The following CCDC85A variants were observed in gnomAD, a reference collection of about 807,000 sequenced individuals.
CCDC85A encodes the protein coiled-coil domain-containing protein 85A.
Under a neutral mutation model 50.2 loss-of-function variants are expected in CCDC85A, and 38 were observed. The ratio of observed to expected loss-of-function variants is 0.76; its 90% CI spans 0.58 to 0.99. The LOEUF (loss-of-function observed/expected upper bound fraction) is 0.99. Among genes scored for constraint, CCDC85A ranks in the 50% least tolerant of loss-of-function variants. The pLI is 0.00. For synonymous variants in CCDC85A, 366 were observed against 301.4 expected, an observed-to-expected ratio of 1.21 and a Z score of -2.22; for missense variants, 820 against 742.0, an observed-to-expected ratio of 1.11 and a Z score of -1.22.
intron 3 of CCDC85A, among the ~76,000 whole-genome samples, chr2:56,354,794 T>G (rs1385018955): frequency 6.6e-6 from 1 of 152,230 alleles, no homozygotes; most frequent in Non-Finnish European, 1.5e-5. Flanking sequence ...AATGGCTTGG[T>G]AAGTCTTACT....
chr2:56,373,312 C>G (rs1558664681), intron 4 of CCDC85A, among the ~76,000 whole-genome samples: 1 of 151,784 alleles, frequency 6.6e-6, no homozygotes, highest in African/African-American at 2.4e-5. Context: ...GAATTTCCCC[C>G]CACTGTATAC....
intron 2 of CCDC85A, among the ~76,000 whole-genome samples, chr2:56,194,370 C>CA (rs1262439143): frequency 6.6e-6 from 1 of 152,054 alleles, no homozygotes; most frequent in African/African-American, 2.4e-5. Flanking sequence ...GAATAAAAAA[C>CA]AAAAAAACTC....
rs1472125131 is a variant in CCDC85A, at chr2:56,184,709, C to G, written c.85C>G (p.Pro29Ala). 1 of 1,528,930 alleles carries G rather than the reference C, an allele frequency of 6.5e-7. No individual in the cohort carries two copies. The highest frequency in any genetic ancestry group is 8.8e-7 in the Non-Finnish European group (1 of 1,141,462). The allele number at this position is 1,528,930 out of a possible 1,614,324, so 94.7% of individuals were successfully genotyped here. Residue 29 changes from proline (P) to alanine (A), a missense_variant, in exon 1 of 6, where the codon CCG (proline) becomes GCG (alanine). Coordinates refer to ENST00000407595, the MANE Select transcript of CCDC85A (RefSeq NM_001080433.2). Reference sequence around the variant, plus strand: ...AGCCCCGGCCGGCTCGTCCGCGGCCCCGCCCGCGCCGGTGGAGGACCTGTC... The same window carrying G: ...AGCCCCGGCCGGCTCGTCCGCGGCCGCGCCCGCGCCGGTGGAGGACCTGTC... ...SPAPAGSSAA[P>A]PAPVEDLSKV...
intron 2 of CCDC85A, among the ~76,000 whole-genome samples, chr2:56,226,442 A>G (rs1443802644): frequency 2.0e-5 from 3 of 152,180 alleles, no homozygotes; most frequent in African/African-American, 4.8e-5. Context: ...GAAAGCACTT[A>G]CCACAATGTC....
chr2:56,324,622 A>G (rs1008541650), intron 2 of CCDC85A, among the ~76,000 whole-genome samples: 1 of 152,100 alleles, frequency 6.6e-6, no homozygotes, highest in Admixed American at 6.6e-5. Flanking sequence ...AAATAATTTT[A>G]ATGTGTTCTA....
intron 2 of CCDC85A, among the ~76,000 whole-genome samples, chr2:56,302,255 T>G (rs1672244504): frequency 6.6e-6 from 1 of 151,960 alleles, no homozygotes; most frequent in South Asian, 2.1e-4. Context: ...GACTCCATCT[T>G]CAAAAAATAA....
chr2:56,350,313 A>G (rs1319534643), intron 3 of CCDC85A, among the ~76,000 whole-genome samples: 2 of 151,926 alleles, frequency 1.3e-5, no homozygotes, highest in African/African-American at 4.8e-5. Context: ...GCTCACGCCT[A>G]TAATCCCAGC....
intron 2 of CCDC85A, among the ~76,000 whole-genome samples, chr2:56,337,291 A>G (rs763870009): frequency 2.8e-4 from 42 of 152,224 alleles, no homozygotes; most frequent in Non-Finnish European, 5.9e-4. Context: ...TGAGGATGTC[A>G]TTGGATTTTC....
intron 2 of CCDC85A, among the ~76,000 whole-genome samples, chr2:56,310,051 G>C (rs946864526): frequency 1.3e-5 from 2 of 152,150 alleles, no homozygotes; most frequent in African/African-American, 2.4e-5. Context: ...CATATGAGAT[G>C]TGAGGAACTA....
intron 2 of CCDC85A, among the ~76,000 whole-genome samples, chr2:56,315,056 T>G (rs1378581291): frequency 6.6e-6 from 1 of 152,160 alleles, no homozygotes; most frequent in Non-Finnish European, 1.5e-5. Flanking sequence ...CCCCCTTTGC[T>G]TCATCTGTCA....
Position 56,380,629 on chromosome 2 carries a change from A to T in CCDC85A, c.1573-3637A>T, listed in dbSNP as rs1190928988. 2.0e-5 allele frequency among the ~76,000 whole-genome samples: 3 copies of T among 151,672 alleles called. No individual in the cohort carries two copies. In the South Asian group the frequency reaches 6.2e-4, roughly 31 times the overall value. On this transcript the variant is annotated intron_variant, in intron 5 of 5. Coordinates refer to ENST00000407595, the MANE Select transcript of CCDC85A (RefSeq NM_001080433.2). ...TCATGAAGTCAGAGACCACAGTAAA[A>T]AAATAAATAAATAAATAAATAAAGA...
intron 2 of CCDC85A, among the ~76,000 whole-genome samples, chr2:56,306,120 C>T (rs1440786308): frequency 6.6e-6 from 1 of 152,004 alleles, no homozygotes; most frequent in Non-Finnish European, 1.5e-5. Flanking sequence ...TTTTGCGAAA[C>T]TTCCAGTGTA....
intron 2 of CCDC85A, among the ~76,000 whole-genome samples, chr2:56,237,103 T>C (rs1404378877): frequency 3.3e-5 from 5 of 152,314 alleles, no homozygotes; most frequent in East Asian, 1.9e-4. Flanking sequence ...ATTTTTCTTA[T>C]GTTGGGATTC....
chr2:56,372,481 G>A lies in CCDC85A; in HGVS notation c.1452+3G>A, dbSNP rs756165819. 3 of 1,586,452 alleles carry A rather than the reference G, an allele frequency of 1.9e-6. No homozygotes were observed. The African/African-American group carries it at 4.1e-5, about 21-fold the overall frequency. On this transcript the variant is annotated splice_donor_region_variant and intron_variant, in intron 4 of 5. Coordinates refer to ENST00000407595, the MANE Select transcript of CCDC85A (RefSeq NM_001080433.2). ...GACGATGCCTGCCTACTCTCCCGGT[G>A]AGTGAAGATGAGTCAGCTGGATGCA...
intron 2 of CCDC85A, among the ~76,000 whole-genome samples, chr2:56,203,142 G>A (rs182087229): frequency 4.3e-4 from 65 of 152,310 alleles, no homozygotes; most frequent in Non-Finnish European, 6.6e-4. Context: ...AATTGCTCTG[G>A]TTATGGAGTC....
Position 56,228,294 on chromosome 2 carries a change from C to T in CCDC85A, c.1240+34854C>T, listed in dbSNP as rs375383397. Among the ~76,000 whole-genome samples, 463 of 150,952 alleles carry T rather than the reference C, an allele frequency of 3.1e-3. 3 individuals are homozygous for T. The highest frequency in any genetic ancestry group is 0.011 in the African/African-American group (434 of 41,118). On this transcript the variant is annotated intron_variant, in intron 2 of 5. Coordinates refer to ENST00000407595, the MANE Select transcript of CCDC85A (RefSeq NM_001080433.2). ...TGTATACATATGTAACAAACCTGCA[C>T]GTTGTGCACGTGTCCCCTAAAACTT...
chr2:56,316,871 T>G (rs528465296), intron 2 of CCDC85A, among the ~76,000 whole-genome samples: 2 of 152,294 alleles, frequency 1.3e-5, no homozygotes, highest in Admixed American at 1.3e-4. Flanking sequence ...ATTTATTAAA[T>G]TGAAAGTATT....
At chr2:56,210,695 T>C (rs866344656) in intron 2 of CCDC85A, among the ~76,000 whole-genome samples, 3 of 151,916 alleles carry the variant, frequency 2.0e-5, no homozygotes, top group African/African-American at 7.3e-5. Context: ...AGAATTTCCA[T>C]GTGTTCTTTT....
intron 2 of CCDC85A, among the ~76,000 whole-genome samples, chr2:56,340,692 A>G (rs1014479111): frequency 3.9e-5 from 6 of 151,962 alleles, no homozygotes; most frequent in African/African-American, 1.5e-4. Context: ...CCTGACCAAC[A>G]TGGAGAAACC....
Sources: gnomAD v4.1 joint callset for allele counts (sites outside exome capture counted in the v4.1 genomes callset) on GRCh38, gnomAD v4.1.1 for gene constraint, MANE v1.5 for transcripts, NCBI Gene and HGNC (gene_info 2026-07-23, HGNC 2026-07-21) for gene names.